The following EYA2 variants were observed in gnomAD, a reference collection of about 807,000 sequenced individuals.
The protein encoded by EYA2 is EYA transcriptional coactivator and phosphatase 2.
In EYA2, 31 loss-of-function variants were observed where a neutral mutation model predicts 69.2. That is an observed-to-expected ratio of 0.45 (90% CI 0.34 to 0.60). The LOEUF is 0.60. Ranked by LOEUF, EYA2 falls within the 20% of genes least tolerant of loss-of-function variation. The pLI is 0.02. For synonymous variants in EYA2, 257 were observed against 279.4 expected, an observed-to-expected ratio of 0.92 and a Z score of 0.80; for missense variants, 622 against 701.2, an observed-to-expected ratio of 0.89 and a Z score of 1.28.
At chr20:47,145,471 T>TA (rs368956620) in intron 10 of EYA2, among the ~76,000 whole-genome samples, 7 of 152,254 alleles carry the variant, frequency 4.6e-5, no homozygotes, top group Non-Finnish European at 1.0e-4. Context: ...CAGGAGATAT[T>TA]ACAGCAATCG....
chr20:46,978,346 G>A, intron 1 of EYA2: 1 of 342,438 alleles, frequency 2.9e-6, no homozygotes, highest in Non-Finnish European at 5.8e-6. Context: ...GTGATAGAGG[G>A]CCATGGGCCT....
chr20:47,001,471 C>T lies in EYA2; in HGVS notation c.153C>T (p.Ser51=). The T allele has an allele frequency of 6.2e-7, 1 of 1,614,142 alleles. No individual in the cohort carries two copies. The highest frequency in any genetic ancestry group is 8.5e-7 in the Non-Finnish European group (1 of 1,179,970). Residue 51 remains serine (S), a splice_region_variant and synonymous_variant, in exon 3 of 16, where the codon TCC becomes TCT. Coordinates refer to ENST00000327619, the MANE Select transcript of EYA2 (RefSeq NM_005244.5). ...SAPLRVSQLF[S]RSCPRVLPRQ... is the part of the protein sequence containing the mutation. ...CCCTGAGAGTGTCCCAGCTCTTCTCCAGGTGAGTGCCATTCACTTGTCTCC... is the reference window on the plus strand; with the variant it reads ...CCCTGAGAGTGTCCCAGCTCTTCTCTAGGTGAGTGCCATTCACTTGTCTCC...
At chr20:46,917,904 T>G (rs907407617) in intron 1 of EYA2, among the ~76,000 whole-genome samples, 5 of 152,214 alleles carry the variant, frequency 3.3e-5, no homozygotes, top group Non-Finnish European at 7.3e-5. Flanking sequence ...TCTCTTAAAA[T>G]AAGACAAACA....
At chr20:47,185,721 C>T (rs1279316718) in intron 15 of EYA2, among the ~76,000 whole-genome samples, 2 of 152,112 alleles carry the variant, frequency 1.3e-5, no homozygotes, top group Admixed American at 6.6e-5. Flanking sequence ...AGTGAGAAGG[C>T]GTTGAAGAGA....
rs936275570 is a variant in EYA2, at chr20:47,163,658, A to G, written c.979-5481A>G. 5.8e-5 allele frequency among the ~76,000 whole-genome samples: 8 copies of G among 138,922 alleles called. No homozygotes were observed. The South Asian group carries it at 7.0e-4, about 12-fold the overall frequency. 91.1% of individuals were successfully genotyped at this position (138,922 alleles called of 152,430 possible). ...GGTTGCAGTGAGCCGAGACTGCACC[A>G]TTACACTCCAGCCTGGGCAACAAGA... On this transcript the variant is annotated intron_variant, in intron 10 of 15. Transcript: ENST00000327619.
chr20:47,169,278 G>A (rs2034269550), intron 11 of EYA2, 81 bp downstream of exon 11: 5 of 1,384,750 alleles, frequency 3.6e-6, no homozygotes, highest in Middle Eastern at 1.8e-4. Flanking sequence ...AGTGGGGTGG[G>A]AGAGGAGGGC....
chr20:47,158,021 G>T (rs2033991194), intron 10 of EYA2, among the ~76,000 whole-genome samples: 1 of 151,962 alleles, frequency 6.6e-6, no homozygotes, highest in South Asian at 2.1e-4. Flanking sequence ...GAAGGCCCCT[G>T]CGATCCCAGC....
intron 7 of EYA2, among the ~76,000 whole-genome samples, chr20:47,078,269 A>G (rs1200101816): frequency 6.6e-6 from 1 of 151,764 alleles, no homozygotes; most frequent in Non-Finnish European, 1.5e-5. Context: ...TCTTTTTCCT[A>G]GTGTTCACTG....
chr20:47,074,625 C>A (rs1290196200), intron 7 of EYA2, among the ~76,000 whole-genome samples: 2 of 152,148 alleles, frequency 1.3e-5, no homozygotes, highest in Non-Finnish European at 2.9e-5. Context: ...CCTAAAAATT[C>A]TATTTTCTGG....
chr20:47,091,525 G>A (rs2032084027), intron 8 of EYA2, among the ~76,000 whole-genome samples: 1 of 143,606 alleles, frequency 7.0e-6, no homozygotes, highest in Non-Finnish European at 1.5e-5. Flanking sequence ...GATTGCTTAA[G>A]TCCAGTAATT....
intron 1 of EYA2, among the ~76,000 whole-genome samples, chr20:46,928,377 G>T (rs1228120366): frequency 6.6e-6 from 1 of 152,214 alleles, no homozygotes. Context: ...TAAATGGGAG[G>T]AGAGTAGTAA....
intron 10 of EYA2, chr20:47,161,233 C>T: frequency 5.8e-6 from 3 of 514,606 alleles, no homozygotes; most frequent in South Asian, 5.3e-5. Flanking sequence ...AGCCTCTGCA[C>T]ATGGGGACAA....
chr20:47,129,763 G>A (rs537007018), intron 9 of EYA2, among the ~76,000 whole-genome samples: 19 of 152,320 alleles, frequency 1.2e-4, no homozygotes, highest in African/African-American at 4.3e-4. Context: ...GTGATGGACT[G>A]AAGGTGCCTT....
intron 9 of EYA2, among the ~76,000 whole-genome samples, chr20:47,104,121 G>A (rs2032508119): frequency 6.6e-6 from 1 of 152,064 alleles, no homozygotes; most frequent in Admixed American, 6.6e-5. Context: ...TGCCTTTTTG[G>A]CTATAGTCCT....
intron 1 of EYA2, among the ~76,000 whole-genome samples, chr20:46,972,456 T>C (rs1438949013): frequency 6.6e-6 from 1 of 152,220 alleles, no homozygotes; most frequent in Non-Finnish European, 1.5e-5. Context: ...TGAAATGAGA[T>C]CTGCACCTTG....
intron 5 of EYA2, among the ~76,000 whole-genome samples, chr20:47,037,582 G>A (rs1002791253): frequency 2.0e-5 from 3 of 152,192 alleles, no homozygotes; most frequent in African/African-American, 4.8e-5. Flanking sequence ...CATCAGCAGA[G>A]CTTCTGGAGC....
chr20:47,096,518 G>T (rs2032251247), intron 8 of EYA2, among the ~76,000 whole-genome samples: 1 of 152,146 alleles, frequency 6.6e-6, no homozygotes, highest in African/African-American at 2.4e-5. Context: ...GAATGTCCAA[G>T]GAGAATTGGA....
intron 1 of EYA2, among the ~76,000 whole-genome samples, chr20:46,908,488 C>T (rs1984472547): frequency 6.6e-6 from 1 of 152,180 alleles, no homozygotes; most frequent in Admixed American, 6.5e-5. Flanking sequence ...AATCCAGCTG[C>T]CGTTCTGCGT....
chr20:47,081,310 G>A (rs1483018989), intron 7 of EYA2, among the ~76,000 whole-genome samples: 1 of 151,834 alleles, frequency 6.6e-6, no homozygotes, highest in East Asian at 1.9e-4. Flanking sequence ...TGAGAGAGTA[G>A]ATTTTAAGTG....
Sources: allele counts gnomAD v4.1 joint callset (sites outside exome capture counted in the v4.1 genomes callset), GRCh38; gene constraint gnomAD v4.1.1; transcripts MANE v1.5; gene names NCBI Gene and HGNC (gene_info 2026-07-23, HGNC 2026-07-21).